The following TXNDC9 variants were observed in gnomAD, a reference collection of about 807,000 sequenced individuals.
TXNDC9 encodes the protein thioredoxin domain-containing protein 9.
In TXNDC9, 7 loss-of-function variants were observed where a neutral mutation model predicts 23.0. The observed-to-expected ratio is 0.30, with a 90% CI of 0.17 to 0.57. TXNDC9 has a LOEUF of 0.57. Among genes scored for constraint, TXNDC9 ranks in the 20% least tolerant of loss-of-function variants. The probability of loss-of-function intolerance (pLI) is 0.90; values close to 1 mark genes in which losing one functional copy is unlikely to be tolerated. For missense variants in TXNDC9, 198 were observed against 252.6 expected, an observed-to-expected ratio of 0.78 and a Z score of 1.47; for synonymous variants, 72 against 90.6, an observed-to-expected ratio of 0.79 and a Z score of 1.17.
chr2:99,310,720 C>A, the TXNDC9 span, among the ~76,000 whole-genome samples: 1 of 151,972 alleles, frequency 6.6e-6, no homozygotes, highest in African/African-American at 2.4e-5. Flanking sequence ...CTCTTGCTGC[C>A]TTTGAAGATA....
chr2:99,319,963 T>C lies in TXNDC9; in HGVS notation c.564-164A>G, dbSNP rs981277899. Among the ~76,000 whole-genome samples the C allele has an allele frequency of 1.3e-5, 2 of 152,346 alleles. 1 individual carries two copies. The highest frequency in any genetic ancestry group is 3.9e-4 in the East Asian group (2 of 5,182). The stretch of plus-strand genomic sequence containing the variant: ...TGCTTATATTGATATTGATGGTTAA[T>C]AGCCTTAAACCTTATTGTGTCCTAC... On this transcript the variant is annotated intron_variant, in intron 4 of 4. Transcript: ENST00000264255.
At chr2:99,333,658 T>A (rs2094231311) in intron 1 of TXNDC9, among the ~76,000 whole-genome samples, 1 of 152,170 alleles carries the variant, frequency 6.6e-6, no homozygotes, top group African/African-American at 2.4e-5. Flanking sequence ...TACTGAGGTT[T>A]TACACATAAA....
chr2:99,335,968 AAAAC>A (rs1355996581), intron 1 of TXNDC9, among the ~76,000 whole-genome samples: 1 of 152,240 alleles, frequency 6.6e-6, no homozygotes, highest in East Asian at 1.9e-4. Context: ...GGTATCCGCC[AAAAC>A]AATCAAGGGG....
At chr2:99,322,765 T>C in intron 3 of TXNDC9, 1 of 1,342,846 alleles carries the variant, frequency 7.4e-7, no homozygotes, top group Non-Finnish European at 9.6e-7. Context: ...AACTTTTTTA[T>C]TTTTTATTTT....
chr2:99,311,627 C>T, the TXNDC9 span, among the ~76,000 whole-genome samples: 5 of 151,774 alleles, frequency 3.3e-5, no homozygotes, highest in African/African-American at 7.3e-5. Context: ...GGCCTCAAGC[C>T]GTCCTCTATC....
intron 2 of TXNDC9, among the ~76,000 whole-genome samples, chr2:99,327,925 C>A (rs2094216559): frequency 2.0e-5 from 3 of 151,564 alleles, no homozygotes; most frequent in Admixed American, 2.0e-4. Context: ...GCTGGGACTA[C>A]AGGCGGGCAC....
rs1187731943 is a variant in TXNDC9 at position 99,332,944 on chromosome 2, C to T, written c.189+78G>A. 9 of 1,160,454 alleles carry T rather than the reference C, an allele frequency of 7.8e-6. No individual in the cohort carries two copies. In the East Asian group the frequency reaches 1.9e-4, roughly 24 times the overall value. 71.9% of individuals were successfully genotyped at this position (1,160,454 alleles called of 1,614,324 possible). On this transcript the variant is annotated intron_variant, in intron 2 of 4. Coordinates refer to ENST00000264255, the MANE Select transcript of TXNDC9 (RefSeq NM_005783.4). ...CCTAAACACAAAGAACGAAATGTAACTACTACAGCACATGTATATATAAGT... is the reference window on the plus strand; with the variant it reads ...CCTAAACACAAAGAACGAAATGTAATTACTACAGCACATGTATATATAAGT...
intron 2 of TXNDC9, among the ~76,000 whole-genome samples, chr2:99,330,317 A>AAAAAAAAAAAAAAC: frequency 6.9e-6 from 1 of 144,482 alleles, no homozygotes; most frequent in Non-Finnish European, 1.5e-5. Context: ...AAAAAAAAAA[A>AAAAAAAAAAAAAAC]AAGCTGCTAT....
chr2:99,327,388 A>G, intron 3 of TXNDC9, 147 bp downstream of exon 3: 1 of 607,936 alleles, frequency 1.6e-6, no homozygotes, highest in Non-Finnish European at 2.9e-6. Context: ...TTAACTTAAT[A>G]CTAAATAACA....
the TXNDC9 span, among the ~76,000 whole-genome samples, chr2:99,312,276 A>T: frequency 4.6e-5 from 7 of 152,148 alleles, no homozygotes; most frequent in African/African-American, 1.4e-4. Context: ...TGAGTGAGTT[A>T]CTTGAGGTCA....
intron 3 of TXNDC9, 182 bp from the exon 4 acceptor site, chr2:99,322,391 A>C: frequency 1.6e-6 from 2 of 1,213,896 alleles, no homozygotes; most frequent in Non-Finnish European, 2.2e-6. Flanking sequence ...CCTGATTACG[A>C]GATGGGAAAA....
chr2:99,316,977 C>T (rs180915722), downstream of TXNDC9, among the ~76,000 whole-genome samples: 137 of 152,240 alleles, frequency 9.0e-4, 1 homozygote, highest in African/African-American at 2.6e-3. Flanking sequence ...AGGACGGTCT[C>T]GATCTCCCGA....
the TXNDC9 span, among the ~76,000 whole-genome samples, chr2:99,313,796 G>A: frequency 6.6e-6 from 1 of 152,178 alleles, no homozygotes; most frequent in Admixed American, 6.5e-5. Flanking sequence ...TTTAAAGAGG[G>A]TGTCCTTTTG....
rs760453161 is a variant in TXNDC9, at chr2:99,322,173, G to C, written c.345C>G (p.Ser115=). The C allele has an allele frequency of 3.2e-5, 52 of 1,613,934 alleles. No homozygotes were observed. Among genetic ancestry groups the C allele is most frequent in the Non-Finnish European group, 4.3e-5 (51 of 1,180,002 alleles). The change falls in exon 4 of 5, where the codon TCC becomes TCG. Residue 115 remains serine (S), a synonymous_variant. Transcript: ENST00000264255. ...KILDRHLAIL[S]KKHLETKFLK... Reference sequence around the variant, plus strand: ...AAAATTTGGTCTCGAGGTGTTTCTTGGACAATATTGCCAGATGTCTGTCTA... The same window carrying C: ...AAAATTTGGTCTCGAGGTGTTTCTTCGACAATATTGCCAGATGTCTGTCTA...
At chr2:99,315,124 G>A (rs929777548), downstream of TXNDC9, among the ~76,000 whole-genome samples, 2 of 139,632 alleles carry the variant, frequency 1.4e-5, no homozygotes, top group Admixed American at 1.4e-4. Flanking sequence ...GTGCAGTGGC[G>A]CGATCTTGGC....
At chr2:99,314,543 T>C (rs1021517268), downstream of TXNDC9, among the ~76,000 whole-genome samples, 8 of 144,122 alleles carry the variant, frequency 5.6e-5, no homozygotes, top group African/African-American at 1.8e-4. Context: ...TTTTTTTTTT[T>C]TTTTTGAGAC....
At chr2:99,331,568 G>T (rs956402851) in intron 2 of TXNDC9, among the ~76,000 whole-genome samples, 1 of 150,782 alleles carries the variant, frequency 6.6e-6, no homozygotes, top group East Asian at 1.9e-4. Context: ...TTTAAAATAC[G>T]GTAGGGTACA....
At chr2:99,328,617 C>A (rs545146862) in intron 2 of TXNDC9, among the ~76,000 whole-genome samples, 1 of 152,048 alleles carries the variant, frequency 6.6e-6, no homozygotes, top group African/African-American at 2.4e-5. Context: ...TTAACTCTAT[C>A]CATGTACTCT....
chr2:99,318,158 T>C (rs2094193870), downstream of TXNDC9, among the ~76,000 whole-genome samples: 1 of 152,230 alleles, frequency 6.6e-6, no homozygotes, highest in Non-Finnish European at 1.5e-5. Context: ...CCCCAAGTGC[T>C]GGGATTACAG....
Sources: gnomAD v4.1 joint callset for allele counts (sites outside exome capture counted in the v4.1 genomes callset) on GRCh38, gnomAD v4.1.1 for gene constraint, MANE v1.5 for transcripts, NCBI Gene and HGNC (gene_info 2026-07-23, HGNC 2026-07-21) for gene names.